HEATR1: variants seen among roughly 807,000 people sequenced by gnomAD.
HEATR1 encodes HEAT repeat-containing protein 1.
HEATR1 carries 77 observed loss-of-function variants against 248.2 expected under a neutral mutation model. That is an observed-to-expected ratio of 0.31 (90% CI 0.26 to 0.37). The LOEUF (loss-of-function observed/expected upper bound fraction) is 0.37. Ranked by LOEUF, HEATR1 falls within the 10% of genes least tolerant of loss-of-function variation. The pLI, the probability that HEATR1 is intolerant of heterozygous loss-of-function variation, is 1.00. For synonymous variants in HEATR1, 897 were observed against 923.1 expected, an observed-to-expected ratio of 0.97 and a Z score of 0.51; for missense variants, 2,420 against 2,504.9, an observed-to-expected ratio of 0.97 and a Z score of 0.72.
rs1377582613 is a variant in HEATR1 at position 236,563,691 on chromosome 1, C to T, written c.4599+807G>A. ...ATAGGACCTAATGGACTTTACAGTACTCTAATGTCAAACCATTTTTGTATT... is the reference window on the plus strand; with the variant it reads ...ATAGGACCTAATGGACTTTACAGTATTCTAATGTCAAACCATTTTTGTATT... On this transcript the variant is annotated intron_variant, in intron 32 of 44. Transcript: ENST00000366582. 3.3e-5 allele frequency among the ~76,000 whole-genome samples: 5 copies of T among 152,344 alleles called. No homozygotes were observed. The East Asian group carries it at 9.6e-4, about 29-fold the overall frequency.
intron 28 of HEATR1, among the ~76,000 whole-genome samples, chr1:236,571,029 A>G (rs995528319): frequency 6.6e-6 from 1 of 152,248 alleles, no homozygotes; most frequent in Non-Finnish European, 1.5e-5. Context: ...TTCCCAATTA[A>G]CACCAATACC....
Position 236,571,680 on chromosome 1 carries a change from T to C in HEATR1, c.3714A>G (p.Leu1238=), listed in dbSNP as rs775374571. The change falls in exon 27 of 45, where the codon TTA becomes TTG. Residue 1238 remains leucine (L), a synonymous_variant. Coordinates refer to ENST00000366582, the MANE Select transcript of HEATR1 (RefSeq NM_018072.6). ...PTLFNLLSRC[L]EPLPQEQGNM... is the part of the protein sequence containing the mutation. ...TTCCCTGCTCTTGTGGCAAGGGTTC[T>C]AAACATCTTCAGGACACCCAAAAGA... 3 of 1,608,448 alleles carry C rather than the reference T, an allele frequency of 1.9e-6. No individual in the cohort carries two copies. Among genetic ancestry groups the C allele is most frequent in the Admixed American group, 3.3e-5 (2 of 59,868 alleles).
intron 32 of HEATR1, among the ~76,000 whole-genome samples, chr1:236,563,923 T>C (rs1275624685): frequency 6.6e-6 from 1 of 152,154 alleles, no homozygotes; most frequent in African/African-American, 2.4e-5. Context: ...GACATCAGCC[T>C]GGGTAATAGA....
intron 29 of HEATR1, 98 bp downstream of exon 29, chr1:236,568,895 AAAC>A (rs1224270580): frequency 3.7e-5 from 23 of 621,482 alleles, no homozygotes; most frequent in African/African-American, 7.1e-5. Context: ...TAAAAAAAAA[AAAC>A]AAAAAAAAAA....
At chr1:236,553,496 G>A in intron 43 of HEATR1, 85 bp downstream of exon 43, 1 of 1,292,552 alleles carries the variant, frequency 7.7e-7, no homozygotes, top group Non-Finnish European at 1.1e-6. Context: ...GTTTACTAGG[G>A]GGCCTACATC....
rs117421196 is a variant in HEATR1, at chr1:236,562,608, C to T, written c.4600-1337G>A. On this transcript the variant is annotated intron_variant, in intron 32 of 44. Transcript: ENST00000366582. ...CCATCTGATTACTCCTGCACCATAC[C>T]ACTGTCCTTGGCCCCTTACAGTTTG... 8.9e-3 allele frequency among the ~76,000 whole-genome samples: 1,358 copies of T among 152,290 alleles called. 69 individuals are homozygous for T. Among genetic ancestry groups the T allele is most frequent in the Admixed American group, 0.075 (1,150 of 15,288 alleles).
At position 236,582,745 on chromosome 1, in the gene HEATR1, A is replaced by G; in HGVS notation, c.2553T>C (p.Leu851=). Residue 851 remains leucine, a synonymous_variant, in exon 19 of 45, where the codon CTT becomes CTC. Transcript: ENST00000366582. ...DAVHFRVLMK[L]FIKVHLEDVF... ...AGGAGGAGGCTTGTACCTTTATGAA[A>G]AGTTTCATCAGAACTCTGAAATGAA... 1 of 1,614,074 alleles carries G rather than the reference A, an allele frequency of 6.2e-7. No individual in the cohort carries two copies. Among genetic ancestry groups the G allele is most frequent in the Non-Finnish European group, 8.5e-7 (1 of 1,179,978 alleles).
chr1:236,569,434 A>G (rs1663363870), intron 28 of HEATR1, among the ~76,000 whole-genome samples: 1 of 152,152 alleles, frequency 6.6e-6, no homozygotes, highest in Non-Finnish European at 1.5e-5. Context: ...ACTCCTGGCC[A>G]CAAGTGATAT....
At chr1:236,601,254 G>GT (rs150598708) in intron 3 of HEATR1, among the ~76,000 whole-genome samples, 20,663 of 142,428 alleles carry the variant, frequency 0.15, 1,573 homozygotes, top group African/African-American at 0.2. Flanking sequence ...TCCATTTTTT[G>GT]TTTTTTTTTT....
At position 236,595,636 on chromosome 1, in the gene HEATR1, T is replaced by C. The variant is rs775208742; in HGVS notation, c.994A>G (p.Thr332Ala). 1.2e-6 allele frequency: 2 copies of C among 1,611,638 alleles called. No homozygotes were observed. The highest frequency in any genetic ancestry group is 1.7e-5 in the Admixed American group (1 of 59,990). The change falls in exon 8 of 45, where the codon ACA becomes GCA. Residue 332 changes from threonine to alanine, a missense_variant. Physicochemically the swap from Thr to Ala is moderately conservative, Grantham distance 58. Transcript: ENST00000366582. The stretch of plus-strand genomic sequence containing the variant: ...GTTTCAGAAATCCCATGAAGTATTG[T>C]AATAAGATCAGGAACATTACATAAG... ...PHLCNVPDLI[T>A]ILHGISETYD... is the part of the protein sequence containing the mutation.
intron 32 of HEATR1, among the ~76,000 whole-genome samples, chr1:236,564,112 G>A (rs1572035852): frequency 6.6e-6 from 1 of 152,124 alleles, no homozygotes; most frequent in African/African-American, 2.4e-5. Flanking sequence ...AGTGAGACCT[G>A]TCTCAAAAAA....
At chr1:236,553,396 A>G (rs182730561) in intron 43 of HEATR1, among the ~76,000 whole-genome samples, 185 bp downstream of exon 43, 23 of 152,348 alleles carry the variant, frequency 1.5e-4, no homozygotes, top group Admixed American at 1.4e-3. Context: ...GTAAGTAAAA[A>G]ACAAAATTTT....
intron 24 of HEATR1, 127 bp downstream of exon 24, chr1:236,574,075 T>C (rs1663501368): frequency 1.4e-6 from 1 of 723,560 alleles, no homozygotes; most frequent in Non-Finnish European, 2.1e-6. Flanking sequence ...TACTTTTCCA[T>C]GATTTTTGTT....
rs113234795 is a variant in HEATR1, at chr1:236,592,189, G to T, written c.1305-79C>A. On this transcript the variant is annotated intron_variant, in intron 10 of 44. Coordinates refer to ENST00000366582, the MANE Select transcript of HEATR1 (RefSeq NM_018072.6). ...ATACACCATACACATATAAAGGAAA[G>T]ACATAAAATCTTAAAAATTACTGAG... 1.8e-3 allele frequency: 1,396 copies of T among 773,552 alleles called. 16 individuals are homozygous for T. The African/African-American group carries it at 0.02, about 11-fold the overall frequency. 47.9% of individuals were successfully genotyped at this position (773,552 alleles called of 1,614,324 possible).
intron 20 of HEATR1, among the ~76,000 whole-genome samples, chr1:236,577,157 T>G (rs1259873871): frequency 6.8e-6 from 1 of 147,014 alleles, no homozygotes; most frequent in Admixed American, 6.8e-5. Flanking sequence ...GAGCATACTA[T>G]AAACTCTGTT....
chr1:236,587,365 T>A (rs570437853), intron 14 of HEATR1, 37 bp downstream of exon 14: 1 of 1,004,950 alleles, frequency 1.0e-6, no homozygotes, highest in African/African-American at 1.7e-5. Context: ...AAGAACTTCA[T>A]CAATTCAAAA....
At chr1:236,576,409 A>G in intron 21 of HEATR1, 32 bp from the exon 22 acceptor site, 4 of 1,486,984 alleles carry the variant, frequency 2.7e-6, no homozygotes, top group South Asian at 1.3e-5. Flanking sequence ...TGGATAAAAA[A>G]GGGTTAAGAA....
intron 9 of HEATR1, among the ~76,000 whole-genome samples, chr1:236,593,626 G>C: frequency 7.6e-6 from 1 of 131,574 alleles, no homozygotes; most frequent in South Asian, 2.6e-4. Flanking sequence ...TATCTTTAAA[G>C]AAATAATCCT....
At chr1:236,589,258 A>G (rs1176337082) in intron 12 of HEATR1, among the ~76,000 whole-genome samples, 1 of 152,246 alleles carries the variant, frequency 6.6e-6, no homozygotes, top group African/African-American at 2.4e-5. Flanking sequence ...AAATCCTCCT[A>G]TCACAACAAA....
Sources: allele counts gnomAD v4.1 joint callset (sites outside exome capture counted in the v4.1 genomes callset), GRCh38; gene constraint gnomAD v4.1.1; transcripts MANE v1.5; gene names NCBI Gene and HGNC (gene_info 2026-07-23, HGNC 2026-07-21).